Variants in TUBGCP3 observed in about 807,000 individuals in gnomAD.
TUBGCP3 encodes tubulin gamma complex component 3.
TUBGCP3 carries 50 observed loss-of-function variants against 123.1 expected under a neutral mutation model. The observed-to-expected ratio is 0.41, with a 90% CI of 0.32 to 0.51. The LOEUF is 0.51. TUBGCP3 is among the 20% of genes least tolerant of loss of function. The pLI, the probability that TUBGCP3 is intolerant of heterozygous loss-of-function variation, is 0.36. For missense variants in TUBGCP3, 882 were observed against 1,127.0 expected (o/e 0.78, Z 3.11); for synonymous variants, 405 against 413.9 (o/e 0.98, Z 0.26).
At chr13:112,561,906 A>G (rs1017991823) in intron 3 of TUBGCP3, among the ~76,000 whole-genome samples, 1 of 152,248 alleles carries the variant, frequency 6.6e-6, no homozygotes, top group Non-Finnish European at 1.5e-5. Context: ...AAGTGACATA[A>G]AGGAGGAGGC....
intron 8 of TUBGCP3, among the ~76,000 whole-genome samples, chr13:112,551,598 T>C (rs1363982067): frequency 6.6e-6 from 1 of 152,190 alleles, no homozygotes; most frequent in African/African-American, 2.4e-5. Context: ...GAGACAGCTT[T>C]GGAACAGAGT....
In TUBGCP3 at chr13:112,554,793, C is replaced by G; in HGVS notation, c.840+94G>C. The G allele has an allele frequency of 4.7e-6, 4 of 849,012 alleles. No individual in the cohort carries two copies. In the South Asian group the frequency reaches 6.9e-5, roughly 15 times the overall value. The allele number at this position is 849,012 out of a possible 1,614,324, so 52.6% of individuals were successfully genotyped here. On this transcript the variant is annotated intron_variant, in intron 7 of 21. Transcript: ENST00000261965. ...CACCTCACAACCGATTCGCAAAACC[C>G]CAGTACCACCTTATCAATCAACAGC...
chr13:112,540,060 G>C (rs1299628748), intron 11 of TUBGCP3, among the ~76,000 whole-genome samples: 1 of 147,082 alleles, frequency 6.8e-6, no homozygotes, highest in Non-Finnish European at 1.5e-5. Flanking sequence ...TCTTGGGAAA[G>C]GACACCTGGG....
In TUBGCP3 at chr13:112,527,066, T is replaced by G. The variant is rs201922421; in HGVS notation, c.1447-16A>C. 6.3e-7 allele frequency: 1 copy of G among 1,582,352 alleles called. No individual in the cohort carries two copies. The highest frequency in any genetic ancestry group is 1.3e-5 in the African/African-American group (1 of 74,398). ...TCAAAAGGACCTAAAAAGAAAAACA[T>G]TCTATGATTACTTTTATGTAAATTT... is the stretch of plus-strand genomic sequence containing the variant. On this transcript the variant is annotated splice_polypyrimidine_tract_variant and intron_variant, in intron 12 of 21. Transcript: ENST00000261965.
Position 112,585,939 on chromosome 13 carries a change from T to TAA in TUBGCP3, c.76+1964_76+1965dup, listed in dbSNP as rs909993562. 4.2e-5 allele frequency among the ~76,000 whole-genome samples: 6 copies of TAA among 142,482 alleles called. No homozygotes were observed. The South Asian group carries it at 6.7e-4, about 16-fold the overall frequency. The allele number at this position is 142,482 out of a possible 152,430, so 93.5% of individuals were successfully genotyped here. On this transcript the variant is annotated intron_variant, in intron 1 of 21. Transcript: ENST00000261965. ...CTTTTATATCAAAGAATCTTCAATGTAAAAAAAAAAAAGTTTTTGGCTGGG... is the reference window on the plus strand; with the variant it reads ...CTTTTATATCAAAGAATCTTCAATGTAAAAAAAAAAAAAAGTTTTTGGCTGGG...
At position 112,496,818 on chromosome 13, in the gene TUBGCP3, A is replaced by C. The variant is rs111728308; in HGVS notation, c.2448+2227T>G. Among the ~76,000 whole-genome samples, 1,401 of 152,130 alleles carry C rather than the reference A, an allele frequency of 9.2e-3. 18 individuals are homozygous for C. Among genetic ancestry groups the C allele is most frequent in the African/African-American group, 0.032 (1,332 of 41,514 alleles). Reference sequence around the variant, plus strand: ...TGGCTAACACAGTGAAACCCTGTCTATACTAAAAATACAAAAAATTAGCCG... The same window carrying C: ...TGGCTAACACAGTGAAACCCTGTCTCTACTAAAAATACAAAAAATTAGCCG... On this transcript the variant is annotated intron_variant, in intron 20 of 21. Coordinates refer to ENST00000261965, the MANE Select transcript of TUBGCP3 (RefSeq NM_006322.6).
At chr13:112,493,433 G>A (rs1427630795) in intron 20 of TUBGCP3, among the ~76,000 whole-genome samples, 4 of 147,518 alleles carry the variant, frequency 2.7e-5, no homozygotes, top group African/African-American at 5.0e-5. Context: ...CTGGCTATGG[G>A]AACATGGCCT....
At chr13:112,561,695 G>A (rs1280232603) in intron 3 of TUBGCP3, among the ~76,000 whole-genome samples, 3 of 152,222 alleles carry the variant, frequency 2.0e-5, no homozygotes, top group Non-Finnish European at 2.9e-5. Flanking sequence ...ATGCCAAGTT[G>A]TAAGTCCCTG....
intron 1 of TUBGCP3, among the ~76,000 whole-genome samples, chr13:112,574,906 G>T (rs779404411): frequency 3.9e-5 from 6 of 152,174 alleles, no homozygotes; most frequent in Non-Finnish European, 8.8e-5. Flanking sequence ...AAAAACCTCC[G>T]AGCCAGGCCC....
At chr13:112,489,904 T>C (rs1879961200) in intron 20 of TUBGCP3, 2 of 574,290 alleles carry the variant, frequency 3.5e-6, no homozygotes, top group Admixed American at 3.1e-5. Flanking sequence ...AAATATTTCA[T>C]ATGAACACAT....
chr13:112,571,597 C>A (rs1396505812), intron 1 of TUBGCP3, among the ~76,000 whole-genome samples: 1 of 152,228 alleles, frequency 6.6e-6, no homozygotes, highest in East Asian at 1.9e-4. Context: ...TAGCCCCAGA[C>A]AAGAGTCGGC....
chr13:112,494,486 C>T (rs1041141591), intron 20 of TUBGCP3, among the ~76,000 whole-genome samples: 1 of 152,216 alleles, frequency 6.6e-6, no homozygotes, highest in Non-Finnish European at 1.5e-5. Context: ...GCCCAGGCCC[C>T]ACGGCTCTCA....
rs1423275811 is a variant in TUBGCP3 at position 112,486,022 on chromosome 13, T to C, written c.2695A>G (p.Thr899Ala). The C allele has an allele frequency of 1.2e-6, 2 of 1,607,480 alleles. No homozygotes were observed. The highest frequency in any genetic ancestry group is 1.3e-5 in the African/African-American group (1 of 75,016). The change falls in exon 22 of 22, where the codon ACC becomes GCC. Residue 899 changes from threonine (T) to alanine (A), a missense_variant. Physicochemically the swap from Thr to Ala is moderately conservative, Grantham distance 58 (BLOSUM62 0). Around this residue, in one of 3 missense-constraint regions of TUBGCP3, gnomAD observed 160 missense variants for 220.3 expected, o/e 0.73. Coordinates refer to ENST00000261965, the MANE Select transcript of TUBGCP3 (RefSeq NM_006322.6). ...REPRLRVSLG[T>A]RGRRSSHT ...GTGTGGGAGCTGCGCCGCCCCCTGG[T>C]ACCCAGAGACACACGGAGCCTGGGC...
At chr13:112,565,256 C>T (rs1880867062) in intron 2 of TUBGCP3, 78 bp from the exon 3 acceptor site, 1 of 1,239,954 alleles carries the variant, frequency 8.1e-7, no homozygotes, top group Non-Finnish European at 1.2e-6. Flanking sequence ...TCACCTACAA[C>T]ACCATAACTC....
At position 112,486,044 on chromosome 13, in the gene TUBGCP3, G is replaced by A. The variant is rs1879643678; in HGVS notation, c.2673C>T (p.Pro891=). The A allele has an allele frequency of 6.2e-7, 1 of 1,609,004 alleles. No individual in the cohort carries two copies. Among genetic ancestry groups the A allele is most frequent in the South Asian group, 1.1e-5 (1 of 90,920 alleles). Residue 891 remains proline (P), a synonymous_variant, in exon 22 of 22, where the codon CCC becomes CCT. Coordinates refer to ENST00000261965, the MANE Select transcript of TUBGCP3 (RefSeq NM_006322.6). The stretch of plus-strand genomic sequence containing the variant: ...TGGTACCCAGAGACACACGGAGCCT[G>A]GGCTCCCTGGCTTTGTAATGCTCGT... ...DFNEHYKARE[P]RLRVSLGTRG...
intron 8 of TUBGCP3, among the ~76,000 whole-genome samples, chr13:112,553,629 C>G (rs1879778199): frequency 6.6e-6 from 1 of 152,228 alleles, no homozygotes; most frequent in Non-Finnish European, 1.5e-5. Flanking sequence ...CCAGCTTCGG[C>G]AGTGTTCCCA....
intron 11 of TUBGCP3, among the ~76,000 whole-genome samples, chr13:112,541,450 G>C (rs1037040805): frequency 1.3e-5 from 2 of 151,318 alleles, no homozygotes; most frequent in Non-Finnish European, 2.9e-5. Flanking sequence ...GCTGAGGAAG[G>C]AGAATTGCTT....
chr13:112,596,342 A>G, the TUBGCP3 span, among the ~76,000 whole-genome samples: 1 of 152,160 alleles, frequency 6.6e-6, no homozygotes, highest in African/African-American at 2.4e-5. Flanking sequence ...CATGTGAAAT[A>G]TCTTGACTCT....
At position 112,558,207 on chromosome 13, in the gene TUBGCP3, A is replaced by G; in HGVS notation, c.537T>C (p.Ser179=). ...ALSGPAPAPQ[S]LLPGQSNQAP... ...CAGTGTGGCCTTACCCTGGGAGGAG[A>G]GATTGTGGCGCAGGCGCGGGGCCAC... The change falls in exon 5 of 22, where the codon TCT becomes TCC. Residue 179 remains serine, a synonymous_variant. Coordinates refer to ENST00000261965, the MANE Select transcript of TUBGCP3 (RefSeq NM_006322.6). The G allele has an allele frequency of 6.2e-7, 1 of 1,610,352 alleles. No homozygotes were observed. The highest frequency in any genetic ancestry group is 8.5e-7 in the Non-Finnish European group (1 of 1,178,730).
Sources: gnomAD v4.1 joint callset for allele counts (sites outside exome capture counted in the v4.1 genomes callset) on GRCh38, gnomAD v4.1.1 for gene constraint, gnomAD v4.1.1 regional missense constraint, MANE v1.5 for transcripts, NCBI Gene and HGNC (gene_info 2026-07-23, HGNC 2026-07-21) for gene names.